The following ZBTB20 variants were observed in gnomAD, a reference collection of about 807,000 sequenced individuals.
ZBTB20 encodes zinc finger and BTB domain-containing protein 20.
Under a neutral mutation model 56.9 loss-of-function variants are expected in ZBTB20, and 9 were observed. The ratio of observed to expected loss-of-function variants is 0.16; its 90% CI spans 0.10 to 0.28. ZBTB20 has a LOEUF of 0.28. Ranked by LOEUF, ZBTB20 falls within the 10% of genes least tolerant of loss-of-function variation. The pLI, the probability that ZBTB20 is intolerant of heterozygous loss-of-function variation, is 1.00. For synonymous variants in ZBTB20, 417 were observed against 420.7 expected, an observed-to-expected ratio of 0.99 and a Z score of 0.11; for missense variants, 655 against 1,003.0, an observed-to-expected ratio of 0.65 and a Z score of 4.69.
chr3:114,817,561 AAATATC>A (rs1384512142), intron 4 of ZBTB20, among the ~76,000 whole-genome samples: 1 of 150,844 alleles, frequency 6.6e-6, no homozygotes, highest in African/African-American at 2.4e-5. Flanking sequence ...ATAAATAAAT[AAATATC>A]TCTCTATATA....
chr3:114,815,903 CTT>C (rs2108897697), intron 4 of ZBTB20, among the ~76,000 whole-genome samples: 1 of 150,812 alleles, frequency 6.6e-6, no homozygotes, highest in African/African-American at 2.4e-5. Context: ...AGATAACACT[CTT>C]TTTCTTTATT....
intron 3 of ZBTB20, among the ~76,000 whole-genome samples, chr3:114,948,529 G>T (rs1318250618): frequency 6.9e-6 from 1 of 145,674 alleles, no homozygotes; most frequent in Non-Finnish European, 1.5e-5. Flanking sequence ...AAATTCAAAA[G>T]AACCCACAAA....
intron 5 of ZBTB20, among the ~76,000 whole-genome samples, chr3:114,737,971 T>C (rs922132400): frequency 3.3e-4 from 50 of 152,128 alleles, no homozygotes; most frequent in African/African-American, 1.1e-3. Flanking sequence ...AACATCACCC[T>C]TTCTGCTAAT....
At chr3:114,550,116 T>C (rs2050382875) in intron 6 of ZBTB20, among the ~76,000 whole-genome samples, 1 of 152,100 alleles carries the variant, frequency 6.6e-6, no homozygotes, top group Non-Finnish European at 1.5e-5. Context: ...TTTTTTGTAT[T>C]TTTAGTAGAG....
At chr3:114,577,090 T>C (rs1326928367) in intron 6 of ZBTB20, among the ~76,000 whole-genome samples, 1 of 152,136 alleles carries the variant, frequency 6.6e-6, no homozygotes, top group Admixed American at 6.5e-5. Flanking sequence ...ATTTAGACTA[T>C]TTACCTCAAC....
chr3:114,433,328 G>T (rs2090260536), intron 7 of ZBTB20, among the ~76,000 whole-genome samples: 2 of 152,118 alleles, frequency 1.3e-5, no homozygotes, highest in Admixed American at 1.3e-4. Flanking sequence ...TATTTTAGAA[G>T]ACAGGAGTGG....
At chr3:115,106,007 A>G (rs149347878) in intron 1 of ZBTB20, among the ~76,000 whole-genome samples, 3,068 of 151,790 alleles carry the variant, frequency 0.02, 40 homozygotes, top group South Asian at 0.051. Flanking sequence ...TAGTAGAGAC[A>G]GGATTTCACC....
intron 10 of ZBTB20, 135 bp from the exon 11 acceptor site, chr3:114,352,013 T>C: frequency 8.9e-7 from 1 of 1,125,336 alleles, no homozygotes; most frequent in African/African-American, 1.6e-5. Flanking sequence ...AGTGGGGAGA[T>C]GGACAGGCTG....
intron 2 of ZBTB20, among the ~76,000 whole-genome samples, chr3:114,984,780 T>G (rs1191611836): frequency 6.6e-6 from 1 of 152,072 alleles, no homozygotes; most frequent in African/African-American, 2.4e-5. Context: ...AAGGAGCTAA[T>G]TTAATGTCCT....
At chr3:114,415,405 C>A (rs1460339467) in intron 7 of ZBTB20, among the ~76,000 whole-genome samples, 1 of 152,054 alleles carries the variant, frequency 6.6e-6, no homozygotes, top group East Asian at 1.9e-4. Flanking sequence ...GCTCTTGATA[C>A]AAATTTGATG....
intron 2 of ZBTB20, among the ~76,000 whole-genome samples, chr3:114,989,339 C>A (rs780595061): frequency 2.1e-4 from 32 of 152,300 alleles, no homozygotes; most frequent in Non-Finnish European, 3.7e-4. Flanking sequence ...GTTTTCCCAG[C>A]ACCATTTATT....
chr3:114,605,340 C>A (rs544222954), intron 6 of ZBTB20, among the ~76,000 whole-genome samples: 1 of 152,246 alleles, frequency 6.6e-6, no homozygotes, highest in South Asian at 2.1e-4. Flanking sequence ...CCTAAATTTC[C>A]TATTTCCGTT....
intron 2 of ZBTB20, among the ~76,000 whole-genome samples, chr3:115,064,743 G>A (rs765664088): frequency 2.0e-5 from 3 of 152,030 alleles, no homozygotes; most frequent in Non-Finnish European, 2.9e-5. Flanking sequence ...GTGAGCCACC[G>A]TGCCCGGCCT....
intron 6 of ZBTB20, among the ~76,000 whole-genome samples, chr3:114,538,641 T>C (rs998158369): frequency 2.0e-5 from 3 of 152,158 alleles, no homozygotes; most frequent in African/African-American, 7.2e-5. Context: ...TTAAATTAAG[T>C]GCAAGATACA....
chr3:114,537,547 A>G (rs1038138567), intron 6 of ZBTB20, among the ~76,000 whole-genome samples: 1 of 152,356 alleles, frequency 6.6e-6, no homozygotes, highest in African/African-American at 2.4e-5. Context: ...GGGAGTGTAA[A>G]TTAGTTCAAC....
intron 3 of ZBTB20, among the ~76,000 whole-genome samples, chr3:114,929,482 C>A (rs909024965): frequency 1.3e-5 from 2 of 152,168 alleles, no homozygotes; most frequent in African/African-American, 4.8e-5. Flanking sequence ...AAGAGCTTAA[C>A]TATAGATGAA....
intron 6 of ZBTB20, among the ~76,000 whole-genome samples, chr3:114,674,432 G>T (rs2108197505): frequency 6.6e-6 from 1 of 152,270 alleles, no homozygotes; most frequent in South Asian, 2.1e-4. Context: ...GTACTTACAT[G>T]CAATAAAGTT....
intron 7 of ZBTB20, among the ~76,000 whole-genome samples, chr3:114,462,087 A>G (rs1228829750): frequency 6.6e-6 from 1 of 152,234 alleles, no homozygotes; most frequent in Non-Finnish European, 1.5e-5. Context: ...GAAGTTAACA[A>G]GATCATGCAT....
At chr3:114,427,181 A>G (rs2108861778) in intron 7 of ZBTB20, among the ~76,000 whole-genome samples, 1 of 152,314 alleles carries the variant, frequency 6.6e-6, no homozygotes, top group South Asian at 2.1e-4. Flanking sequence ...ATAATACCAA[A>G]ATGAGAGTTT....
Sources: gnomAD v4.1 joint callset for allele counts (sites outside exome capture counted in the v4.1 genomes callset) on GRCh38, gnomAD v4.1.1 for gene constraint, MANE v1.5 for transcripts, NCBI Gene and HGNC (gene_info 2026-07-23, HGNC 2026-07-21) for gene names.